PRDM16: variants seen among roughly 807,000 people sequenced by gnomAD.
PRDM16 encodes the protein histone-lysine N-methyltransferase PRDM16.
In PRDM16, 23 loss-of-function variants were observed where a neutral mutation model predicts 110.6. The observed-to-expected ratio is 0.21, with a 90% CI of 0.15 to 0.29. The LOEUF (loss-of-function observed/expected upper bound fraction) is 0.29. PRDM16 is among the 10% of genes least tolerant of loss of function. PRDM16 has a pLI of 1.00. For missense variants in PRDM16, 1,615 were observed against 1,794.3 expected (o/e 0.90, Z 1.81); for synonymous variants, 799 against 781.8 (o/e 1.02, Z -0.37).
intron 1 of PRDM16, among the ~76,000 whole-genome samples, chr1:3,107,801 C>A (rs932044279): frequency 5.3e-5 from 8 of 152,262 alleles, no homozygotes; most frequent in African/African-American, 1.9e-4. Flanking sequence ...TGGCCCCTGG[C>A]CTCACTCTCT....
In PRDM16 at chr1:3,069,450, C is replaced by G. The variant is rs1274143395; in HGVS notation, c.37+154C>G. ...GCGGCCCGGGGGGCTGCTCCGCCTCCCGCGCTCCGGGGCGACCGGGCTCGG... is the reference window on the plus strand; with the variant it reads ...GCGGCCCGGGGGGCTGCTCCGCCTCGCGCGCTCCGGGGCGACCGGGCTCGG... On this transcript the variant is annotated intron_variant, in intron 1 of 16. Transcript: ENST00000270722. This position sits in a 1 kb window ranked among gnomAD's most constrained non-coding sequence, Gnocchi z 6.1. Among the ~76,000 whole-genome samples the G allele has an allele frequency of 2.8e-5, 4 of 143,838 alleles. No individual in the cohort carries two copies. The East Asian group carries it at 8.6e-4, about 31-fold the overall frequency. The allele number at this position is 143,838 out of a possible 152,430, so 94.4% of individuals were successfully genotyped here.
At chr1:3,204,004 C>G (rs766684048) in intron 2 of PRDM16, among the ~76,000 whole-genome samples, 12 of 152,136 alleles carry the variant, frequency 7.9e-5, no homozygotes, top group Non-Finnish European at 1.2e-4. Context: ...GCCCCCTCTG[C>G]GGACTCGAAG....
chr1:3,369,896 C>T (rs1177030764), intron 3 of PRDM16, among the ~76,000 whole-genome samples: 1 of 152,208 alleles, frequency 6.6e-6, no homozygotes, highest in Non-Finnish European at 1.5e-5. Flanking sequence ...AAGGTATTTG[C>T]TTAGACTTGG....
intron 1 of PRDM16, among the ~76,000 whole-genome samples, chr1:3,141,472 G>C (rs1048390212): frequency 1.3e-5 from 2 of 152,158 alleles, no homozygotes; most frequent in South Asian, 4.1e-4. Flanking sequence ...CATCTCCAAG[G>C]CTCAATAAAT....
intron 1 of PRDM16, among the ~76,000 whole-genome samples, chr1:3,074,112 T>A (rs1055195621): frequency 6.6e-6 from 1 of 152,166 alleles, no homozygotes; most frequent in African/African-American, 2.4e-5. Flanking sequence ...CCCAGTCTGA[T>A]CCGCAGCCCC....
chr1:3,384,732 T>C (rs1333036982), intron 3 of PRDM16, among the ~76,000 whole-genome samples: 1 of 152,230 alleles, frequency 6.6e-6, no homozygotes. Context: ...CAGCAACACC[T>C]TCACCTTCAG....
At chr1:3,197,932 T>A (rs1638521614) in intron 2 of PRDM16, among the ~76,000 whole-genome samples, 1 of 152,192 alleles carries the variant, frequency 6.6e-6, no homozygotes, top group Non-Finnish European at 1.5e-5. Flanking sequence ...CCAGGCCTGC[T>A]GCTGGTCAGA....
At chr1:3,096,227 C>T (rs1642396255) in intron 1 of PRDM16, among the ~76,000 whole-genome samples, 1 of 152,174 alleles carries the variant, frequency 6.6e-6, no homozygotes, top group Non-Finnish European at 1.5e-5. Context: ...TGCCTTCTTT[C>T]CTGCCTCTCC....
intron 3 of PRDM16, among the ~76,000 whole-genome samples, chr1:3,361,567 G>A (rs1417474470): frequency 6.6e-6 from 1 of 152,260 alleles, no homozygotes; most frequent in Non-Finnish European, 1.5e-5. Flanking sequence ...GAACCCTGAA[G>A]CTCACCTGGG....
Position 3,430,874 on chromosome 1 carries a change from C to T in PRDM16, c.3287C>T (p.Ala1096Val), listed in dbSNP as rs753755785. 19 of 1,613,850 alleles carry T rather than the reference C, an allele frequency of 1.2e-5. No homozygotes were observed. The highest frequency in any genetic ancestry group is 8.3e-5 in the Admixed American group (5 of 60,002). Residue 1096 changes from alanine to valine, a missense_variant and splice_region_variant, in exon 15 of 17, where the codon GCG becomes GTG. Coordinates refer to ENST00000270722, the MANE Select transcript of PRDM16 (RefSeq NM_022114.4). ...NQASTRTEKR[A>V]DMQIVDGSAQ... Reference sequence around the variant, plus strand: ...AATCTCCTCCTGCATCATTTCAGGGCGGACATGCAGATCGTGGACGGCAGT... The same window carrying T: ...AATCTCCTCCTGCATCATTTCAGGGTGGACATGCAGATCGTGGACGGCAGT...
At chr1:3,221,730 C>T (rs59346417) in intron 2 of PRDM16, among the ~76,000 whole-genome samples, 30 of 152,380 alleles carry the variant, frequency 2.0e-4, no homozygotes, top group Admixed American at 5.2e-4. Flanking sequence ...CACACACATA[C>T]ACATGCACAG....
intron 5 of PRDM16, among the ~76,000 whole-genome samples, chr1:3,400,761 C>A (rs1372265141): frequency 1.3e-5 from 2 of 152,136 alleles, no homozygotes; most frequent in African/African-American, 4.8e-5. Flanking sequence ...GTGAGCAGGG[C>A]CAGGATGCCT....
intron 1 of PRDM16, among the ~76,000 whole-genome samples, chr1:3,167,770 A>C (rs1569742661): frequency 5.9e-5 from 1 of 17,094 alleles, no homozygotes; most frequent in African/African-American, 2.9e-4. Context: ...CTCCCACCCC[A>C]CCCCTGCCTC....
At chr1:3,084,869 C>T (rs909895143) in intron 1 of PRDM16, among the ~76,000 whole-genome samples, 12 of 152,160 alleles carry the variant, frequency 7.9e-5, no homozygotes, top group African/African-American at 2.4e-4. Context: ...CAGTAGCTCT[C>T]GGGTGCACAC....
At chr1:3,242,091 G>C (rs969967262) in intron 2 of PRDM16, among the ~76,000 whole-genome samples, 4 of 152,240 alleles carry the variant, frequency 2.6e-5, no homozygotes, top group Non-Finnish European at 5.9e-5. Flanking sequence ...AAAATGCCCA[G>C]AGGCCACCAA....
chr1:3,370,230 A>G lies in PRDM16; in HGVS notation c.439-14922A>G, dbSNP rs1217380526. 6.6e-6 allele frequency among the ~76,000 whole-genome samples: 1 copy of G among 152,182 alleles called. No homozygotes were observed. The highest frequency in any genetic ancestry group is 6.5e-5 in the Admixed American group (1 of 15,278). On this transcript the variant is annotated intron_variant, in intron 3 of 16. Transcript: ENST00000270722. The surrounding 1 kb of genome is among the most constrained non-coding windows in gnomAD (Gnocchi z 4.8). ...ACACTGCACCTAGGGGAAAATTGCAACCATAACACTTTCCAGAGGACAATG... is the reference window on the plus strand; with the variant it reads ...ACACTGCACCTAGGGGAAAATTGCAGCCATAACACTTTCCAGAGGACAATG...
chr1:3,275,657 C>G (rs865924731), intron 3 of PRDM16, among the ~76,000 whole-genome samples: 21 of 152,316 alleles, frequency 1.4e-4, no homozygotes, highest in African/African-American at 4.1e-4. Flanking sequence ...CCAGTTCCCT[C>G]AAGAACTCCA....
At chr1:3,072,885 C>G (rs1032509159) in intron 1 of PRDM16, among the ~76,000 whole-genome samples, 1 of 152,268 alleles carries the variant, frequency 6.6e-6, no homozygotes, top group Non-Finnish European at 1.5e-5. Flanking sequence ...CACAGGCCCC[C>G]TCCCTCAGCC....
intron 3 of PRDM16, among the ~76,000 whole-genome samples, chr1:3,303,734 G>A (rs1006511627): frequency 2.6e-5 from 4 of 152,348 alleles, no homozygotes; most frequent in Admixed American, 6.5e-5. Context: ...CCTGTCTTTC[G>A]GACCGCAGCC....
Sources: gnomAD v4.1 joint callset for allele counts (sites outside exome capture counted in the v4.1 genomes callset) on GRCh38, gnomAD v4.1.1 for gene constraint, Gnocchi (gnomAD v3.1) non-coding constraint, MANE v1.5 for transcripts, NCBI Gene and HGNC (gene_info 2026-07-23, HGNC 2026-07-21) for gene names.